PRIM2: variants seen among roughly 807,000 people sequenced by gnomAD.
The protein encoded by PRIM2 is DNA primase large subunit.
A neutral mutation model predicts 67.3 loss-of-function variants in PRIM2; 39 were observed. The observed-to-expected ratio is 0.58, with a 90% CI of 0.45 to 0.76. The LOEUF (loss-of-function observed/expected upper bound fraction) is 0.76. Among genes scored for constraint, PRIM2 ranks in the 30% least tolerant of loss-of-function variants. PRIM2 has a pLI of 0.00. For missense variants in PRIM2, 398 were observed against 598.7 expected, an observed-to-expected ratio of 0.66 and a Z score of 3.50; for synonymous variants, 143 against 198.7, an observed-to-expected ratio of 0.72 and a Z score of 2.36.
At chr6:57,403,314 TG>T (rs1468825017) in intron 7 of PRIM2, among the ~76,000 whole-genome samples, 1 of 149,166 alleles carries the variant, frequency 6.7e-6, no homozygotes, top group Non-Finnish European at 1.5e-5. Context: ...TGGAGTGCAG[TG>T]GCGCGAACTC....
At chr6:57,608,896 A>G (rs1182652728) in intron 12 of PRIM2, among the ~76,000 whole-genome samples, 1 of 152,158 alleles carries the variant, frequency 6.6e-6, no homozygotes, top group Non-Finnish European at 1.5e-5. Context: ...TATCTCTCTA[A>G]CCAAGCAGAA....
At chr6:57,290,339 A>C in the PRIM2 span, among the ~76,000 whole-genome samples, 1 of 152,214 alleles carries the variant, frequency 6.6e-6, no homozygotes, top group Non-Finnish European at 1.5e-5. Context: ...ATACAGGGAC[A>C]CCCAGATTCA....
At chr6:57,489,152 A>G (rs1773820554) in intron 7 of PRIM2, among the ~76,000 whole-genome samples, 1 of 152,286 alleles carries the variant, frequency 6.6e-6, no homozygotes, top group East Asian at 1.9e-4. Context: ...GCTTAGGAGT[A>G]TAACAGAGTT....
chr6:57,250,307 T>C, the PRIM2 span, among the ~76,000 whole-genome samples: 1 of 152,174 alleles, frequency 6.6e-6, no homozygotes, highest in East Asian at 1.9e-4. Context: ...TCAGCAAATA[T>C]GTATTAGGTA....
chr6:57,604,981 C>A (rs1181035539), intron 11 of PRIM2, among the ~76,000 whole-genome samples: 1 of 152,164 alleles, frequency 6.6e-6, no homozygotes, highest in Non-Finnish European at 1.5e-5. Flanking sequence ...TGAGCCACCG[C>A]GCTTGGCCAG....
At chr6:57,593,699 C>G (rs1776320454) in intron 10 of PRIM2, among the ~76,000 whole-genome samples, 1 of 152,226 alleles carries the variant, frequency 6.6e-6, no homozygotes, top group Admixed American at 6.5e-5. Flanking sequence ...AATACAGTCT[C>G]TGTACAATAT....
chr6:57,247,946 T>C, the PRIM2 span, among the ~76,000 whole-genome samples: 1 of 152,202 alleles, frequency 6.6e-6, no homozygotes, highest in African/African-American at 2.4e-5. Flanking sequence ...CTGAGTACAG[T>C]ATATTAGTTA....
intron 7 of PRIM2, among the ~76,000 whole-genome samples, chr6:57,408,115 A>G (rs1164415264): frequency 6.6e-6 from 1 of 152,242 alleles, no homozygotes; most frequent in Non-Finnish European, 1.5e-5. Flanking sequence ...GTTGGTGAGC[A>G]TAAATGTGCC....
chr6:57,639,711 A>G (rs1161734034), intron 13 of PRIM2, among the ~76,000 whole-genome samples: 1 of 150,116 alleles, frequency 6.7e-6, no homozygotes, highest in East Asian at 1.9e-4. Flanking sequence ...GAATAGACTA[A>G]TAACAGGTTC....
chr6:57,433,923 TG>T (rs1374450869), intron 7 of PRIM2, among the ~76,000 whole-genome samples: 8 of 110,948 alleles, frequency 7.2e-5, no homozygotes, highest in Non-Finnish European at 1.4e-4. Context: ...CTCTGTTCCC[TG>T]TTTTTTTTTT....
intron 2 of PRIM2, 89 bp from the exon 3 acceptor site, chr6:57,320,368 A>G: frequency 1.2e-6 from 1 of 825,512 alleles, no homozygotes; most frequent in African/African-American, 1.7e-5. Flanking sequence ...TCTGTAAACA[A>G]GTAATTATGG....
intron 8 of PRIM2, among the ~76,000 whole-genome samples, chr6:57,529,125 A>C (rs1774830494): frequency 6.6e-6 from 1 of 152,084 alleles, no homozygotes; most frequent in African/African-American, 2.4e-5. Context: ...CCTAGCTAAC[A>C]CGGTGAAACC....
chr6:57,447,145 C>T (rs2397303), intron 7 of PRIM2, among the ~76,000 whole-genome samples: 4 of 152,178 alleles, frequency 2.6e-5, no homozygotes, highest in Admixed American at 6.6e-5. Flanking sequence ...TTAAAGTATG[C>T]GATACATGAA....
At chr6:57,380,548 G>A (rs55773733) in intron 6 of PRIM2, among the ~76,000 whole-genome samples, 5 of 151,826 alleles carry the variant, frequency 3.3e-5, no homozygotes, top group African/African-American at 4.8e-5. Flanking sequence ...AGATAACTAC[G>A]TCACATGAAC....
intron 10 of PRIM2, among the ~76,000 whole-genome samples, chr6:57,562,098 T>C: frequency 6.6e-6 from 1 of 152,262 alleles, no homozygotes; most frequent in Non-Finnish European, 1.5e-5. Context: ...CTGTCTTAGG[T>C]GGGTGTGTTT....
At chr6:57,410,690 T>C (rs1273249262) in intron 7 of PRIM2, among the ~76,000 whole-genome samples, 2 of 152,086 alleles carry the variant, frequency 1.3e-5, no homozygotes, top group Non-Finnish European at 2.9e-5. Context: ...GAATATAGTT[T>C]TATTTTTTTT....
intron 5 of PRIM2, among the ~76,000 whole-genome samples, chr6:57,353,598 G>A (rs1768927448): frequency 6.6e-6 from 1 of 152,088 alleles, no homozygotes; most frequent in East Asian, 1.9e-4. Context: ...CGGTTTTGGT[G>A]GTATTTATAG....
At chr6:57,412,931 A>T (rs549281861) in intron 7 of PRIM2, among the ~76,000 whole-genome samples, 3 of 152,298 alleles carry the variant, frequency 2.0e-5, no homozygotes, top group African/African-American at 7.2e-5. Context: ...TATAGAGTAT[A>T]AGAACCATAG....
intron 7 of PRIM2, among the ~76,000 whole-genome samples, chr6:57,420,444 G>A (rs552559444): frequency 1.7e-4 from 26 of 152,240 alleles, no homozygotes; most frequent in African/African-American, 5.1e-4. Flanking sequence ...CGGAGGTTGC[G>A]GTGAGCTGAG....
Sources: gnomAD v4.1 joint callset for allele counts (sites outside exome capture counted in the v4.1 genomes callset) on GRCh38, gnomAD v4.1.1 for gene constraint, MANE v1.5 for transcripts, NCBI Gene and HGNC (gene_info 2026-07-23, HGNC 2026-07-21) for gene names.